Variants in SYT9 observed in about 807,000 individuals in gnomAD.
SYT9 encodes the protein synaptotagmin-9.
Under a neutral mutation model 48.4 loss-of-function variants are expected in SYT9, and 22 were observed. The observed-to-expected ratio is 0.45, with a 90% CI of 0.32 to 0.65. The LOEUF (loss-of-function observed/expected upper bound fraction) is 0.65, where lower values mean the gene tolerates loss of function less well. Ranked by LOEUF, SYT9 falls within the 30% of genes least tolerant of loss-of-function variation. The pLI, the probability that SYT9 is intolerant of heterozygous loss-of-function variation, is 0.03. For missense variants in SYT9, 577 were observed against 622.0 expected, an observed-to-expected ratio of 0.93 and a Z score of 0.77; for synonymous variants, 265 against 245.0, an observed-to-expected ratio of 1.08 and a Z score of -0.76.
At chr11:7,421,126 A>C (rs1446336603) in intron 6 of SYT9, among the ~76,000 whole-genome samples, 1 of 152,188 alleles carries the variant, frequency 6.6e-6, no homozygotes, top group Non-Finnish European at 1.5e-5. Context: ...AAACAAATGA[A>C]ATGAGAATTT....
rs115102779 is a variant in SYT9, at chr11:7,349,204, G to A, written c.1044+35263G>A. On this transcript the variant is annotated intron_variant, in intron 3 of 6. Transcript: ENST00000318881. ...AGCATTGCCGGGGACTGGGGGGAGG[G>A]GAAATTGTTTAATGGATACAGAGTG... Among the ~76,000 whole-genome samples the A allele has an allele frequency of 2.5e-3, 384 of 152,096 alleles. 2 individuals are homozygous for A. Among genetic ancestry groups the A allele is most frequent in the African/African-American group, 8.6e-3 (357 of 41,470 alleles).
chr11:7,333,419 C>T (rs1849578163), intron 3 of SYT9, among the ~76,000 whole-genome samples: 1 of 152,170 alleles, frequency 6.6e-6, no homozygotes, highest in African/African-American at 2.4e-5. Context: ...GGCTCTCTAA[C>T]CTGGTTTTCT....
At chr11:7,339,719 A>C (rs1298376238) in intron 3 of SYT9, among the ~76,000 whole-genome samples, 2 of 152,060 alleles carry the variant, frequency 1.3e-5, no homozygotes, top group African/African-American at 4.8e-5. Flanking sequence ...TCTGCTGAGA[A>C]GTCTGTTGTT....
intron 1 of SYT9, among the ~76,000 whole-genome samples, chr11:7,272,272 C>T (rs1367207951): frequency 6.6e-6 from 1 of 152,108 alleles, no homozygotes; most frequent in Non-Finnish European, 1.5e-5. Flanking sequence ...ATTATTAATC[C>T]CCTCAGTGGA....
At position 7,252,193 on chromosome 11, in the gene SYT9, G is replaced by C. The variant is rs949004498; in HGVS notation, c.7G>C (p.Gly3Arg). Residue 3 changes from glycine to arginine, a missense_variant, in exon 1 of 7, where the codon GGG (glycine) becomes CGG (arginine). Coordinates refer to ENST00000318881, the MANE Select transcript of SYT9 (RefSeq NM_175733.4). The surrounding 1 kb of genome is among the most constrained non-coding windows in gnomAD (Gnocchi z 6.3). ...CCGAGGATGCGGGGGGGCGATGCCCGGGGCCAGGGACGCGCTCTGTCACCA... is the reference window on the plus strand; with the variant it reads ...CCGAGGATGCGGGGGGGCGATGCCCCGGGCCAGGGACGCGCTCTGTCACCA... MP[G>R]ARDALCHQAL... 7 of 1,454,560 alleles carry C rather than the reference G, an allele frequency of 4.8e-6. No homozygotes were observed. Among genetic ancestry groups the C allele is most frequent in the African/African-American group, 1.5e-5 (1 of 67,626 alleles). 90.1% of individuals were successfully genotyped at this position (1,454,560 alleles called of 1,614,324 possible).
At chr11:7,418,729 A>G (rs977988709) in intron 5 of SYT9, among the ~76,000 whole-genome samples, 15 of 152,258 alleles carry the variant, frequency 9.9e-5, no homozygotes, top group South Asian at 4.1e-4. Flanking sequence ...AATACAGCAC[A>G]GAAGAGATAT....
chr11:7,405,998 CAG>C (rs749635496), intron 3 of SYT9, among the ~76,000 whole-genome samples: 28 of 152,098 alleles, frequency 1.8e-4, no homozygotes, highest in Non-Finnish European at 3.7e-4. Flanking sequence ...TGCAACAAGA[CAG>C]AGAAAGTTTC....
chr11:7,430,000 C>T (rs574710229), intron 6 of SYT9, among the ~76,000 whole-genome samples: 228 of 152,238 alleles, frequency 1.5e-3, no homozygotes, highest in African/African-American at 5.0e-3. Context: ...AGGCACAGTT[C>T]CTCAGGAGTG....
chr11:7,270,828 CACAG>C (rs1243845282), intron 1 of SYT9, among the ~76,000 whole-genome samples: 1 of 80,890 alleles, frequency 1.2e-5, no homozygotes, highest in Non-Finnish European at 2.4e-5. Context: ...ATGCACAAGA[CACAG>C]ACACACACAC....
At chr11:7,378,243 T>C (rs1289148893) in intron 3 of SYT9, among the ~76,000 whole-genome samples, 1 of 152,096 alleles carries the variant, frequency 6.6e-6, no homozygotes, top group African/African-American at 2.4e-5. Context: ...AAGAATAGTT[T>C]AGCCTGATTG....
intron 3 of SYT9, among the ~76,000 whole-genome samples, chr11:7,377,007 T>C (rs2134039518): frequency 6.7e-6 from 1 of 150,106 alleles, no homozygotes; most frequent in South Asian, 2.2e-4. Context: ...AGAAAATGCC[T>C]CTAGCATGTT....
At chr11:7,449,187 T>C (rs1211379721) in intron 6 of SYT9, among the ~76,000 whole-genome samples, 1 of 151,568 alleles carries the variant, frequency 6.6e-6, no homozygotes, top group African/African-American at 2.4e-5. Flanking sequence ...CTACTAAAAA[T>C]ACAAAAATTA....
chr11:7,345,772 A>G (rs781166958), intron 3 of SYT9, among the ~76,000 whole-genome samples: 5 of 152,240 alleles, frequency 3.3e-5, no homozygotes, highest in African/African-American at 1.2e-4. Context: ...TGTTTATGGT[A>G]TTTGAAAAAT....
chr11:7,289,959 C>T (rs1848668820), intron 1 of SYT9, among the ~76,000 whole-genome samples: 1 of 152,196 alleles, frequency 6.6e-6, no homozygotes. Context: ...CAGTTGAATA[C>T]AAAGACACAA....
At chr11:7,448,285 A>T (rs1400159553) in intron 6 of SYT9, among the ~76,000 whole-genome samples, 2 of 152,236 alleles carry the variant, frequency 1.3e-5, no homozygotes, top group East Asian at 3.8e-4. Context: ...ATTTATTCTG[A>T]ATGCAGCCTT....
chr11:7,457,779 C>A (rs1848173887), intron 6 of SYT9: 1 of 152,146 alleles, frequency 6.6e-6, no homozygotes, highest in Non-Finnish European at 1.5e-5. Flanking sequence ...TCATAAAGGT[C>A]TTTATAAGAG....
chr11:7,449,901 C>T (rs1459025569), intron 6 of SYT9, among the ~76,000 whole-genome samples: 1 of 152,108 alleles, frequency 6.6e-6, no homozygotes, highest in Non-Finnish European at 1.5e-5. Context: ...CTTAAACCCT[C>T]TCCTGCCTGC....
intron 6 of SYT9, among the ~76,000 whole-genome samples, chr11:7,451,716 A>C (rs1235976028): frequency 6.6e-6 from 1 of 152,198 alleles, no homozygotes; most frequent in Non-Finnish European, 1.5e-5. Flanking sequence ...ACTGGACTTG[A>C]AGCTGTGAGG....
At chr11:7,430,225 C>T (rs886303205) in intron 6 of SYT9, among the ~76,000 whole-genome samples, 10 of 151,756 alleles carry the variant, frequency 6.6e-5, no homozygotes, top group African/African-American at 2.2e-4. Flanking sequence ...ATATTTTTTT[C>T]GCACCTTAGA....
Sources: allele counts gnomAD v4.1 joint callset (sites outside exome capture counted in the v4.1 genomes callset), GRCh38; gene constraint gnomAD v4.1.1; non-coding constraint Gnocchi (gnomAD v3.1); transcripts MANE v1.5; gene names NCBI Gene and HGNC (gene_info 2026-07-23, HGNC 2026-07-21).